ERLIN2: variants seen among roughly 807,000 people sequenced by gnomAD.
ERLIN2 encodes the protein erlin-2.
ERLIN2 carries 22 observed loss-of-function variants against 41.5 expected under a neutral mutation model. The observed-to-expected ratio is 0.53, with a 90% confidence interval of 0.38 to 0.76. The LOEUF (loss-of-function observed/expected upper bound fraction) is 0.76. Among genes scored for constraint, ERLIN2 ranks in the 30% least tolerant of loss-of-function variants. The pLI, the probability that ERLIN2 is intolerant of heterozygous loss-of-function variation, is 0.00. For synonymous variants in ERLIN2, 149 were observed against 150.9 expected (o/e 0.99, Z 0.09); for missense variants, 247 against 414.3 (o/e 0.60, Z 3.51).
intron 6 of ERLIN2, chr8:37,746,412 T>A (rs1803051809): frequency 6.1e-6 from 6 of 985,400 alleles, no homozygotes; most frequent in Non-Finnish European, 7.2e-6. Context: ...CAACACCTTT[T>A]AATACAGTTG....
rs1656397912 is a variant in ERLIN2 at position 37,757,465 on chromosome 8, T to A, written c.*3350T>A. ...ACTGATGATTAAGTAGGCAAACTAC[T>A]TCTACTTTCAAAGAGCCCCAAGGGC... On this transcript the variant is annotated 3_prime_UTR_variant, in exon 12 of 12. Coordinates refer to ENST00000519638, the MANE Select transcript of ERLIN2 (RefSeq NM_007175.8). 6.6e-6 allele frequency: 1 copy of A among 152,202 alleles called. No individual in the cohort carries two copies. Among genetic ancestry groups the A allele is most frequent in the African/African-American group, 2.4e-5 (1 of 41,446 alleles). 9.4% of individuals were successfully genotyped at this position (152,202 alleles called of 1,614,324 possible). A position where few individuals can be genotyped will look rare whatever the true frequency, so the allele number is the denominator to read the frequency against.
rs1802853082 is a variant in ERLIN2 at position 37,741,549 on chromosome 8, C to T, written c.190-223C>T. Among the ~76,000 whole-genome samples the T allele has an allele frequency of 1.3e-5, 2 of 152,160 alleles. No individual in the cohort carries two copies. Among genetic ancestry groups the T allele is most frequent in the Non-Finnish European group, 2.9e-5 (2 of 68,036 alleles). On this transcript the variant is annotated intron_variant, in intron 3 of 11. Coordinates refer to ENST00000519638, the MANE Select transcript of ERLIN2 (RefSeq NM_007175.8). This position sits in a 1 kb window ranked among gnomAD's most constrained non-coding sequence, Gnocchi z 4.8. ...TCATCTTCACTAAACCATTATTACT[C>T]AGCTTGTTGATGTGGTGGTTCACTT... is the stretch of plus-strand genomic sequence containing the variant.
chr8:37,747,856 A>C, intron 6 of ERLIN2: 1 of 1,614,194 alleles, frequency 6.2e-7, no homozygotes, highest in Non-Finnish European at 8.5e-7. Flanking sequence ...CCGGGGCCTC[A>C]TGGGCAATTT....
At chr8:37,747,277 T>A (rs1803082210) in intron 6 of ERLIN2, 1 of 814,704 alleles carries the variant, frequency 1.2e-6, no homozygotes, top group Non-Finnish European at 2.2e-6. Flanking sequence ...ATCAAGAAGT[T>A]ACTTTGTCTC....
At chr8:37,738,059 C>T (rs1802717729) in intron 2 of ERLIN2, 30 bp downstream of exon 2, 3 of 1,613,198 alleles carry the variant, frequency 1.9e-6, no homozygotes, top group South Asian at 2.2e-5. Flanking sequence ...AAGCCGGCAA[C>T]TTCCTGTTAA....
At chr8:37,740,229 G>T in intron 2 of ERLIN2, 136 bp from the exon 3 acceptor site, 1 of 723,632 alleles carries the variant, frequency 1.4e-6, no homozygotes. Flanking sequence ...AAAGGGATCT[G>T]TAGCCATGGC....
intron 2 of ERLIN2, among the ~76,000 whole-genome samples, chr8:37,738,824 G>T (rs552241025): frequency 1.3e-5 from 2 of 152,176 alleles, no homozygotes; most frequent in Admixed American, 1.3e-4. Flanking sequence ...GTTTGAGGCT[G>T]CAGTGAGCTA....
rs940747911 is a variant in ERLIN2 at position 37,754,658 on chromosome 8, G to A, written c.*543G>A. 4 of 182,980 alleles carry A rather than the reference G, an allele frequency of 2.2e-5. No homozygotes were observed. The highest frequency in any genetic ancestry group is 9.5e-5 in the African/African-American group (4 of 42,156). 11.3% of individuals were successfully genotyped at this position (182,980 alleles called of 1,614,324 possible). ...CTGCATGTGTGTGAGTTATTTTAGAGGTGTGCTTTCTTGAGCCCTCATAAG... is the reference window on the plus strand; with the variant it reads ...CTGCATGTGTGTGAGTTATTTTAGAAGTGTGCTTTCTTGAGCCCTCATAAG... On this transcript the variant is annotated 3_prime_UTR_variant, in exon 12 of 12. Coordinates refer to ENST00000519638, the MANE Select transcript of ERLIN2 (RefSeq NM_007175.8).
chr8:37,740,492 C>A, intron 3 of ERLIN2, 46 bp downstream of exon 3: 1 of 1,413,346 alleles, frequency 7.1e-7, no homozygotes, highest in Non-Finnish European at 1.0e-6. Context: ...CAAACTTGGG[C>A]TGTTAACTAG....
chr8:37,745,316 C>T, intron 6 of ERLIN2: 1 of 557,478 alleles, frequency 1.8e-6, no homozygotes. Flanking sequence ...TTACTCTGTA[C>T]CTGTAGCAAC....
intron 6 of ERLIN2, chr8:37,746,207 A>G: frequency 1.1e-5 from 11 of 986,010 alleles, no homozygotes; most frequent in Non-Finnish European, 1.3e-5. Flanking sequence ...CCTTCAACTC[A>G]GAAGGTTCTT....
At chr8:37,750,256 A>G in intron 8 of ERLIN2, 139 bp from the exon 9 acceptor site, 3 of 711,668 alleles carry the variant, frequency 4.2e-6, no homozygotes, top group Non-Finnish European at 7.6e-6. Flanking sequence ...ATCAGCTTTT[A>G]CCTGGGCCAT....
chr8:37,747,565 C>T (rs748926520), intron 6 of ERLIN2: 113 of 1,612,172 alleles, frequency 7.0e-5, no homozygotes, highest in Non-Finnish European at 9.0e-5. Context: ...GTCTTTGGTC[C>T]GTTTGGTCAT....
chr8:37,742,762 G>A (rs890236979), intron 4 of ERLIN2, among the ~76,000 whole-genome samples: 1 of 152,126 alleles, frequency 6.6e-6, no homozygotes, highest in Admixed American at 6.5e-5. Flanking sequence ...CATGGCACAC[G>A]TTTACCTATG....
chr8:37,740,900 G>A (rs1802829888), intron 3 of ERLIN2, among the ~76,000 whole-genome samples: 1 of 152,172 alleles, frequency 6.6e-6, no homozygotes. Context: ...TCTAAAGCCT[G>A]GCTAAGTTGG....
At chr8:37,750,868 G>A (rs968230508) in intron 9 of ERLIN2, among the ~76,000 whole-genome samples, 1 of 151,954 alleles carries the variant, frequency 6.6e-6, no homozygotes, top group Non-Finnish European at 1.5e-5. Context: ...ATTACAGCGG[G>A]TGCCGGCACG....
intron 2 of ERLIN2, 141 bp downstream of exon 2, chr8:37,738,170 T>A: frequency 1.1e-6 from 1 of 874,890 alleles, no homozygotes; most frequent in East Asian, 2.5e-5. Flanking sequence ...GAGCTTTTTA[T>A]GTCAGTAACC....
intron 3 of ERLIN2, among the ~76,000 whole-genome samples, chr8:37,740,890 T>G (rs1467916817): frequency 6.6e-6 from 1 of 152,178 alleles, no homozygotes; most frequent in Non-Finnish European, 1.5e-5. Flanking sequence ...TTGTGGCAGA[T>G]CTAAAGCCTG....
chr8:37,752,314 G>A lies in ERLIN2; in HGVS notation c.739+599G>A, dbSNP rs1300245877. Among the ~76,000 whole-genome samples, 4 of 152,162 alleles carry A rather than the reference G, an allele frequency of 2.6e-5. No homozygotes were observed. In the East Asian group the frequency reaches 7.7e-4, roughly 29 times the overall value. ...CTGCCCACCTCTTACTTCTTGGGGT[G>A]GCTTATTTCAAGCAAATTCCAAGGC... is the stretch of plus-strand genomic sequence containing the variant. On this transcript the variant is annotated intron_variant, in intron 10 of 11. Transcript: ENST00000519638.
Sources: gnomAD v4.1 joint callset for allele counts (sites outside exome capture counted in the v4.1 genomes callset) on GRCh38, gnomAD v4.1.1 for gene constraint, Gnocchi (gnomAD v3.1) non-coding constraint, MANE v1.5 for transcripts, NCBI Gene and HGNC (gene_info 2026-07-23, HGNC 2026-07-21) for gene names.